The following PDE1A variants were observed in gnomAD, a reference collection of about 807,000 sequenced individuals.
The protein encoded by PDE1A is dual specificity calcium/calmodulin-dependent 3',5'-cyclic nucleotide phosphodiesterase 1A.
A neutral mutation model predicts 61.7 loss-of-function variants in PDE1A; 35 were observed. The ratio of observed to expected loss-of-function variants is 0.57; its 90% CI spans 0.43 to 0.75. PDE1A has a LOEUF of 0.75. PDE1A is among the 30% of genes least tolerant of loss of function. The pLI is 0.00. For missense variants in PDE1A, 597 were observed against 630.6 expected (o/e 0.95, Z 0.57); for synonymous variants, 232 against 213.2 (o/e 1.09, Z -0.77).
chr2:182,477,819 A>G (rs1274076313), intron 2 of PDE1A, among the ~76,000 whole-genome samples: 1 of 151,994 alleles, frequency 6.6e-6, no homozygotes, highest in East Asian at 1.9e-4. Flanking sequence ...GAGCCCTTTC[A>G]TGCTTTTGAC....
intron 1 of PDE1A, among the ~76,000 whole-genome samples, chr2:182,337,962 C>G (rs1697946514): frequency 6.6e-6 from 1 of 152,172 alleles, no homozygotes; most frequent in South Asian, 2.1e-4. Flanking sequence ...GCCATTAGGT[C>G]TATATCACAT....
At chr2:182,487,353 C>T (rs565173591) in intron 2 of PDE1A, among the ~76,000 whole-genome samples, 1 of 152,260 alleles carries the variant, frequency 6.6e-6, no homozygotes, top group South Asian at 2.1e-4. Flanking sequence ...GGAAGATTAG[C>T]AGCTTACGAA....
At chr2:182,553,294 G>A in the PDE1A span, among the ~76,000 whole-genome samples, 1 of 152,166 alleles carries the variant, frequency 6.6e-6, no homozygotes, top group Non-Finnish European at 1.5e-5. Flanking sequence ...TGTGAGCAAG[G>A]ACCCCCCAGT....
chr2:182,267,165 C>T (rs1692689858), intron 1 of PDE1A, among the ~76,000 whole-genome samples: 2 of 152,120 alleles, frequency 1.3e-5, no homozygotes, highest in Non-Finnish European at 2.9e-5. Flanking sequence ...CCATCTGCAA[C>T]TATAACTGAT....
chr2:182,286,280 G>A (rs754938657), intron 1 of PDE1A, among the ~76,000 whole-genome samples: 7 of 152,076 alleles, frequency 4.6e-5, no homozygotes, highest in African/African-American at 9.6e-5. Context: ...GCTCACAAAC[G>A]AGCAACTTAG....
intron 1 of PDE1A, among the ~76,000 whole-genome samples, chr2:182,418,883 T>C (rs1703089322): frequency 6.6e-6 from 1 of 152,118 alleles, no homozygotes; most frequent in East Asian, 1.9e-4. Context: ...GACCCACTGA[T>C]ATCAACCAAG....
chr2:182,659,024 C>A, the PDE1A span, among the ~76,000 whole-genome samples: 2 of 152,082 alleles, frequency 1.3e-5, no homozygotes, highest in African/African-American at 4.8e-5. Flanking sequence ...ACTCTTTTTA[C>A]CTATTTGAAT....
At chr2:182,320,900 T>G (rs1696653058) in intron 1 of PDE1A, among the ~76,000 whole-genome samples, 1 of 152,174 alleles carries the variant, frequency 6.6e-6, no homozygotes, top group African/African-American at 2.4e-5. Flanking sequence ...TGTAAGCTAT[T>G]ATGCAAATGA....
the PDE1A span, among the ~76,000 whole-genome samples, chr2:182,537,539 C>A: frequency 6.6e-6 from 1 of 152,112 alleles, no homozygotes; most frequent in African/African-American, 2.4e-5. Context: ...AGGAGAAATA[C>A]CTAATGTAGA....
chr2:182,635,019 T>C, the PDE1A span, among the ~76,000 whole-genome samples: 2 of 152,264 alleles, frequency 1.3e-5, no homozygotes, highest in African/African-American at 4.8e-5. Flanking sequence ...ATCTGAATTT[T>C]AGAATTATAG....
exon 14 of PDE1A, chr2:182,167,945 A>G: frequency 8.7e-7 from 1 of 1,155,882 alleles, no homozygotes; most frequent in African/African-American, 1.6e-5. Context: ...TAGCTGCTCA[A>G]AGAAAATTTA....
intron 7 of PDE1A, among the ~76,000 whole-genome samples, chr2:182,217,868 T>C (rs995244251): frequency 1.1e-4 from 16 of 152,020 alleles, no homozygotes; most frequent in Non-Finnish European, 2.4e-4. Flanking sequence ...TGGAGATTCC[T>C]CAGGGATCTA....
At chr2:182,585,027 C>G in the PDE1A span, among the ~76,000 whole-genome samples, 4 of 152,282 alleles carry the variant, frequency 2.6e-5, no homozygotes, top group South Asian at 4.1e-4. Context: ...TTTTGAAAAA[C>G]GTTATAAAGC....
the PDE1A span, among the ~76,000 whole-genome samples, chr2:182,601,678 T>C: frequency 1.8e-4 from 28 of 152,244 alleles, no homozygotes; most frequent in Admixed American, 1.6e-3. Flanking sequence ...AGCTAGGATG[T>C]TCCAACGAGT....
chr2:182,455,585 T>G (rs1209726484), intron 2 of PDE1A, among the ~76,000 whole-genome samples: 2 of 152,002 alleles, frequency 1.3e-5, no homozygotes, highest in Non-Finnish European at 2.9e-5. Flanking sequence ...CCATAAAAAA[T>G]GAAGAGTTCA....
intron 13 of PDE1A, among the ~76,000 whole-genome samples, chr2:182,179,959 G>A (rs1207821420): frequency 6.6e-6 from 1 of 152,162 alleles, no homozygotes; most frequent in Non-Finnish European, 1.5e-5. Context: ...ATGATGATGA[G>A]CAAACATCTG....
At chr2:182,307,374 G>A (rs1695656813) in intron 1 of PDE1A, among the ~76,000 whole-genome samples, 1 of 152,084 alleles carries the variant, frequency 6.6e-6, no homozygotes, top group African/African-American at 2.4e-5. Context: ...TTTGTTGTGG[G>A]AGTGGGTTCC....
At chr2:182,200,578 T>C (rs1686537926) in intron 10 of PDE1A, among the ~76,000 whole-genome samples, 1 of 152,206 alleles carries the variant, frequency 6.6e-6, no homozygotes, top group Non-Finnish European at 1.5e-5. Context: ...CCTTTCCTTA[T>C]GGGCCTTTTC....
intron 1 of PDE1A, among the ~76,000 whole-genome samples, chr2:182,396,735 T>C (rs551374899): frequency 3.9e-5 from 6 of 152,364 alleles, no homozygotes; most frequent in Middle Eastern, 6.8e-3. Context: ...GTATGAAGGA[T>C]AGCTGTATTA....
Sources: gnomAD v4.1 joint callset for allele counts (sites outside exome capture counted in the v4.1 genomes callset) on GRCh38, gnomAD v4.1.1 for gene constraint, MANE v1.5 for transcripts, NCBI Gene and HGNC (gene_info 2026-07-23, HGNC 2026-07-21) for gene names.